Variants in BMERB1 observed in about 807,000 individuals in gnomAD.
BMERB1 encodes the protein bMERB domain containing 1, also known as bMERB domain-containing protein 1.
Under a neutral mutation model 23.6 loss-of-function variants are expected in BMERB1, and 12 were observed. That is an observed-to-expected ratio of 0.51 (90% CI 0.33 to 0.82). The LOEUF is 0.82. Ranked by LOEUF, BMERB1 falls within the 40% of genes least tolerant of loss-of-function variation. The pLI is 0.03. For missense variants in BMERB1, 247 were observed against 255.4 expected (o/e 0.97, Z 0.22); for synonymous variants, 122 against 96.6 (o/e 1.26, Z -1.54).
intron 1 of BMERB1, among the ~76,000 whole-genome samples, chr16:15,511,549 G>A (rs2051665518): frequency 6.6e-6 from 1 of 152,136 alleles, no homozygotes; most frequent in African/African-American, 2.4e-5. Flanking sequence ...ATTTCATGAA[G>A]TATTGTTGCT....
chr16:15,507,240 C>T (rs987781975), intron 1 of BMERB1, among the ~76,000 whole-genome samples: 4 of 152,222 alleles, frequency 2.6e-5, no homozygotes, highest in African/African-American at 4.8e-5. Context: ...CACCAGCCCT[C>T]ATCCTCTATC....
At chr16:15,530,252 A>G (rs771619932) in intron 2 of BMERB1, among the ~76,000 whole-genome samples, 33 of 152,230 alleles carry the variant, frequency 2.2e-4, no homozygotes, top group Non-Finnish European at 4.1e-4. Context: ...TCTCAAGGCT[A>G]TCACCAGGTC....
At chr16:15,523,479 C>T (rs993769626) in intron 2 of BMERB1, among the ~76,000 whole-genome samples, 3 of 152,220 alleles carry the variant, frequency 2.0e-5, no homozygotes, top group Non-Finnish European at 4.4e-5. Context: ...CCCAGCACTT[C>T]CCTTCCTTCC....
chr16:15,535,209 G>A (rs1323019080), intron 2 of BMERB1, among the ~76,000 whole-genome samples: 1 of 151,914 alleles, frequency 6.6e-6, no homozygotes, highest in Non-Finnish European at 1.5e-5. Flanking sequence ...TAATTAGCTG[G>A]GCATAGTGGT....
At chr16:15,579,120 G>A (rs1238087992) in intron 3 of BMERB1, among the ~76,000 whole-genome samples, 1 of 152,186 alleles carries the variant, frequency 6.6e-6, no homozygotes, top group Non-Finnish European at 1.5e-5. Flanking sequence ...CCAGCCAGTT[G>A]TTGGGTGATT....
chr16:15,538,853 G>C (rs1267515743), intron 2 of BMERB1, among the ~76,000 whole-genome samples: 2 of 152,090 alleles, frequency 1.3e-5, no homozygotes, highest in African/African-American at 4.8e-5. Context: ...GTGGTGAAGG[G>C]GCCCATGTTG....
Position 15,576,188 on chromosome 16 carries a change from C to T in BMERB1, c.305-5029C>T, listed in dbSNP as rs1433417062. ...CCTCCTGAGTAGCTGGGACTACAGG[C>T]GCCCGCCACCATGCCCGGCAAATTT... On this transcript the variant is annotated intron_variant, in intron 3 of 5. Transcript: ENST00000300006. 9.2e-5 allele frequency among the ~76,000 whole-genome samples: 14 copies of T among 151,932 alleles called. 1 individual carries two copies. Among genetic ancestry groups the T allele is most frequent in the African/African-American group, 2.2e-4 (9 of 41,324 alleles).
At chr16:15,522,839 C>T (rs918986563) in intron 2 of BMERB1, among the ~76,000 whole-genome samples, 1 of 152,104 alleles carries the variant, frequency 6.6e-6, no homozygotes, top group African/African-American at 2.4e-5. Flanking sequence ...GTTTACAACT[C>T]CTGAAGCTTC....
chr16:15,500,785 G>A (rs2051519793), intron 1 of BMERB1, among the ~76,000 whole-genome samples: 1 of 152,158 alleles, frequency 6.6e-6, no homozygotes, highest in African/African-American at 2.4e-5. Flanking sequence ...CCAAGTAGCT[G>A]GGATGACAGG....
intron 1 of BMERB1, among the ~76,000 whole-genome samples, chr16:15,452,179 G>A (rs2051047759): frequency 6.6e-6 from 1 of 151,626 alleles, no homozygotes; most frequent in Non-Finnish European, 1.5e-5. Context: ...TACTTGAGAG[G>A]CTGAGGCAGG....
chr16:15,473,947 G>A (rs1008597799), intron 1 of BMERB1, among the ~76,000 whole-genome samples: 26 of 151,698 alleles, frequency 1.7e-4, no homozygotes, highest in Non-Finnish European at 2.2e-4. Context: ...GTGAAACCCC[G>A]TCTCTACTGA....
intron 1 of BMERB1, among the ~76,000 whole-genome samples, chr16:15,497,723 G>A (rs1221010092): frequency 6.6e-6 from 1 of 152,194 alleles, no homozygotes. Flanking sequence ...TGGGGAGGCA[G>A]CTGGAGCATG....
At chr16:15,478,994 T>C (rs1489278833) in intron 1 of BMERB1, among the ~76,000 whole-genome samples, 4 of 152,214 alleles carry the variant, frequency 2.6e-5, no homozygotes, top group Non-Finnish European at 5.9e-5. Flanking sequence ...CCTTTTGTCT[T>C]TTGTTTTTTG....
chr16:15,559,373 G>A (rs8058466), intron 2 of BMERB1, among the ~76,000 whole-genome samples: 115,884 of 152,072 alleles, frequency 0.76, 44,596 homozygotes, highest in African/African-American at 0.88. Context: ...TCTACAACCA[G>A]TCATGCCCGC....
chr16:15,516,570 A>G (rs1182414086), intron 2 of BMERB1, among the ~76,000 whole-genome samples: 1 of 152,182 alleles, frequency 6.6e-6, no homozygotes, highest in East Asian at 1.9e-4. Flanking sequence ...CTGGCTGGAA[A>G]ATTCCCTGCG....
At chr16:15,547,128 T>C (rs1246442272) in intron 2 of BMERB1, among the ~76,000 whole-genome samples, 1 of 149,830 alleles carries the variant, frequency 6.7e-6, no homozygotes, top group East Asian at 2.0e-4. Flanking sequence ...TTCTCCTGCC[T>C]CAGCTTCCGA....
chr16:15,437,550 C>T (rs1363474073), intron 1 of BMERB1, among the ~76,000 whole-genome samples: 1 of 152,132 alleles, frequency 6.6e-6, no homozygotes, highest in East Asian at 1.9e-4. Flanking sequence ...TATATCTTAA[C>T]ATTTTATGAG....
At chr16:15,545,113 T>C (rs927751734) in intron 2 of BMERB1, among the ~76,000 whole-genome samples, 1 of 152,144 alleles carries the variant, frequency 6.6e-6, no homozygotes, top group Middle Eastern at 3.4e-3. Flanking sequence ...GCTGGGATTA[T>C]AGGCACCCGC....
At chr16:15,449,338 AG>A (rs2051020316) in intron 1 of BMERB1, among the ~76,000 whole-genome samples, 1 of 152,156 alleles carries the variant, frequency 6.6e-6, no homozygotes, top group African/African-American at 2.4e-5. Flanking sequence ...ATGGACACAA[AG>A]GTGGGAACAG....
Sources: gnomAD v4.1 joint callset for allele counts (sites outside exome capture counted in the v4.1 genomes callset) on GRCh38, gnomAD v4.1.1 for gene constraint, MANE v1.5 for transcripts, NCBI Gene and HGNC (gene_info 2026-07-23, HGNC 2026-07-21) for gene names.